LARP1: variants seen among roughly 807,000 people sequenced by gnomAD.
LARP1 encodes the protein la-related protein 1.
LARP1 carries 36 observed loss-of-function variants against 122.7 expected under a neutral mutation model. The observed-to-expected ratio is 0.29, with a 90% CI of 0.22 to 0.39. The LOEUF (loss-of-function observed/expected upper bound fraction) is 0.39. Ranked by LOEUF, LARP1 falls within the 10% of genes least tolerant of loss-of-function variation. The pLI, the probability that LARP1 is intolerant of heterozygous loss-of-function variation, is 1.00. For synonymous variants in LARP1, 539 were observed against 528.7 expected (o/e 1.02, Z -0.27); for missense variants, 1,040 against 1,403.6 (o/e 0.74, Z 4.14).
intron 1 of LARP1, among the ~76,000 whole-genome samples, chr5:154,774,861 C>G (rs563292037): frequency 3.9e-5 from 6 of 152,314 alleles, no homozygotes; most frequent in African/African-American, 1.2e-4. Flanking sequence ...TGACCAAAGT[C>G]TCTCAGGTGG....
chr5:154,765,813 A>G (rs1219493057), intron 1 of LARP1, among the ~76,000 whole-genome samples: 1 of 152,246 alleles, frequency 6.6e-6, no homozygotes, highest in Non-Finnish European at 1.5e-5. Context: ...GTGAACATTT[A>G]GTGAAAGAAT....
chr5:154,701,856 C>G (rs945277866), intron 1 of LARP1, among the ~76,000 whole-genome samples: 1 of 152,056 alleles, frequency 6.6e-6, no homozygotes, highest in Non-Finnish European at 1.5e-5. Context: ...TGCCTGACCT[C>G]GTGATCCACC....
intron 1 of LARP1, among the ~76,000 whole-genome samples, chr5:154,702,345 C>T (rs1754757131): frequency 6.6e-6 from 1 of 152,060 alleles, no homozygotes. Context: ...CACCTGAGGT[C>T]AGGAGTTTGA....
At chr5:154,741,948 T>C (rs1752906081) in intron 1 of LARP1, among the ~76,000 whole-genome samples, 1 of 152,232 alleles carries the variant, frequency 6.6e-6, no homozygotes, top group Admixed American at 6.5e-5. Flanking sequence ...CTTGTCTTTA[T>C]CTGGAGTCTC....
chr5:154,703,914 C>T (rs996965112), intron 1 of LARP1, among the ~76,000 whole-genome samples: 3 of 152,168 alleles, frequency 2.0e-5, no homozygotes, highest in Non-Finnish European at 4.4e-5. Flanking sequence ...AGCCACCGCG[C>T]CCAGCCAAAA....
intron 1 of LARP1, among the ~76,000 whole-genome samples, chr5:154,783,698 C>T (rs1183978155): frequency 6.6e-6 from 1 of 152,118 alleles, no homozygotes; most frequent in Non-Finnish European, 1.5e-5. Context: ...ACTAATTCAA[C>T]ACGATCAAGA....
intron 1 of LARP1, among the ~76,000 whole-genome samples, chr5:154,761,958 C>A (rs1308493880): frequency 3.3e-5 from 5 of 152,048 alleles, no homozygotes; most frequent in Non-Finnish European, 2.9e-5. Flanking sequence ...TTGAAAAAGT[C>A]CTGCTGGGCG....
At chr5:154,697,889 C>T (rs554689160) in intron 1 of LARP1, among the ~76,000 whole-genome samples, 15 of 152,238 alleles carry the variant, frequency 9.9e-5, no homozygotes, top group African/African-American at 3.4e-4. Context: ...GCAGTGGTGC[C>T]ATCATGGCTC....
chr5:154,793,607 A>G lies in LARP1; in HGVS notation c.752A>G (p.Lys251Arg). The G allele has an allele frequency of 6.2e-7, 1 of 1,614,140 alleles. No homozygotes were observed. Among genetic ancestry groups the G allele is most frequent in the East Asian group, 2.2e-5 (1 of 44,872 alleles). ...TGCTGTCTCCCAGGAAACAAACACA[A>G]GTGGGTTCCATTACAAATAGACATG... ...GGQKKKGNKH[K>R]WVPLQIDMKP... The change falls in exon 5 of 19, where the codon AAG becomes AGG. Residue 251 changes from lysine to arginine, a missense_variant. Around this residue, in one of 8 missense-constraint regions of LARP1, gnomAD observed 11 missense variants for 33.1 expected, o/e 0.33. Coordinates refer to ENST00000518297, the MANE Select transcript of LARP1 (RefSeq NM_033551.3).
chr5:154,700,619 T>C (rs1754667089), intron 1 of LARP1, among the ~76,000 whole-genome samples: 1 of 152,120 alleles, frequency 6.6e-6, no homozygotes, highest in Non-Finnish European at 1.5e-5. Flanking sequence ...GGTCTTGCTC[T>C]ATCACCTTTG....
Position 154,755,726 on chromosome 5 carries a change from C to T in LARP1, c.-32C>T. 2.0e-6 allele frequency: 2 copies of T among 987,714 alleles called. No individual in the cohort carries two copies. Among genetic ancestry groups the T allele is most frequent in the Non-Finnish European group, 2.4e-6 (2 of 830,470 alleles). The allele number at this position is 987,714 out of a possible 1,614,324, so 61.2% of individuals were successfully genotyped here. A position where few individuals can be genotyped will look rare whatever the true frequency, so the allele number is the denominator to read the frequency against. ...GAGGCGGGGGAGGCAGCCTCGGGCG[C>T]GCCCGGCTTCTCCGGGGGGGCGGGC... On this transcript the variant is annotated 5_prime_UTR_variant, in exon 1 of 19. Transcript: ENST00000518297.
upstream of LARP1, among the ~76,000 whole-genome samples, chr5:154,752,052 C>A (rs1156233812): frequency 6.6e-6 from 1 of 152,028 alleles, no homozygotes; most frequent in Non-Finnish European, 1.5e-5. Context: ...TCAAGTGATC[C>A]TCCTGCTTTG....
intron 1 of LARP1, among the ~76,000 whole-genome samples, chr5:154,737,842 C>T (rs1756998085): frequency 6.6e-6 from 1 of 152,098 alleles, no homozygotes; most frequent in South Asian, 2.1e-4. Flanking sequence ...GAGCTATCCT[C>T]ATTGTTCCAG....
intron 1 of LARP1, among the ~76,000 whole-genome samples, chr5:154,765,104 G>A (rs527648808): frequency 6.6e-6 from 1 of 152,204 alleles, no homozygotes; most frequent in African/African-American, 2.4e-5. Context: ...AGTCCTTAGA[G>A]TGTTCTCTAA....
chr5:154,796,192 A>G (rs1196792912), intron 8 of LARP1, among the ~76,000 whole-genome samples: 1 of 124,700 alleles, frequency 8.0e-6, no homozygotes, highest in African/African-American at 3.3e-5. Context: ...TATATTTTAT[A>G]TATATATATA....
intron 1 of LARP1, among the ~76,000 whole-genome samples, chr5:154,742,953 T>C (rs2113468597): frequency 6.6e-6 from 1 of 152,280 alleles, no homozygotes; most frequent in African/African-American, 2.4e-5. Flanking sequence ...GGAAGCAGTG[T>C]GACAAACCTG....
chr5:154,746,087 C>G (rs1013322885), intron 1 of LARP1, among the ~76,000 whole-genome samples: 4 of 152,190 alleles, frequency 2.6e-5, no homozygotes, highest in Non-Finnish European at 5.9e-5. Flanking sequence ...CGTGAGCCAC[C>G]GCACCTGGCC....
chr5:154,768,402 C>T (rs927755591), intron 1 of LARP1, among the ~76,000 whole-genome samples: 4 of 152,156 alleles, frequency 2.6e-5, no homozygotes, highest in African/African-American at 7.2e-5. Context: ...CAGAAGTCAC[C>T]TGTCAGTCCA....
At position 154,796,073 on chromosome 5, in the gene LARP1, GTATATATATTA is replaced by G. The variant is rs1582440834; in HGVS notation, c.1377+765_1377+775del. Among the ~76,000 whole-genome samples, 10 of 78,842 alleles carry G rather than the reference GTATATATATTA, an allele frequency of 1.3e-4. 1 individual carries two copies. The East Asian group carries it at 3.3e-3, about 26-fold the overall frequency. The allele number at this position is 78,842 out of a possible 152,430, so 51.7% of individuals were successfully genotyped here. A position where few individuals can be genotyped will look rare whatever the true frequency, so the allele number is the denominator to read the frequency against. On this transcript the variant is annotated intron_variant, in intron 8 of 18. Coordinates refer to ENST00000518297, the MANE Select transcript of LARP1 (RefSeq NM_033551.3). ...TTTATATATTATATATTTATATATA[GTATATATATTA>G]TATATATATTTTATATATTTATATA...
Sources: gnomAD v4.1 joint callset for allele counts (sites outside exome capture counted in the v4.1 genomes callset) on GRCh38, gnomAD v4.1.1 for gene constraint, gnomAD v4.1.1 regional missense constraint, MANE v1.5 for transcripts, NCBI Gene and HGNC (gene_info 2026-07-23, HGNC 2026-07-21) for gene names.